The following P3H2 variants were observed in gnomAD, a reference collection of about 807,000 sequenced individuals.
P3H2 encodes the protein leprecan-like 1.
A neutral mutation model predicts 87.0 loss-of-function variants in P3H2; 80 were observed. The ratio of observed to expected loss-of-function variants is 0.92; its 90% CI spans 0.77 to 1.11. The LOEUF (loss-of-function observed/expected upper bound fraction) is 1.11. Ranked by LOEUF, P3H2 falls within the 50% of genes least tolerant of loss-of-function variation. The pLI is 0.00. For missense variants in P3H2, 1,001 were observed against 923.9 expected, an observed-to-expected ratio of 1.08 and a Z score of -1.08; for synonymous variants, 367 against 359.3, an observed-to-expected ratio of 1.02 and a Z score of -0.24.
intron 1 of P3H2, among the ~76,000 whole-genome samples, chr3:190,003,159 A>G (rs1331246033): frequency 1.3e-5 from 2 of 152,216 alleles, no homozygotes; most frequent in Non-Finnish European, 2.9e-5. Flanking sequence ...ATGCTTTCTT[A>G]AAGTGCTTTC....
intron 1 of P3H2, among the ~76,000 whole-genome samples, chr3:190,069,696 T>C (rs143922162): frequency 1.1e-4 from 17 of 152,252 alleles, no homozygotes; most frequent in African/African-American, 3.6e-4. Context: ...GAAGGAAATC[T>C]AGCGAGGGTG....
intron 1 of P3H2, among the ~76,000 whole-genome samples, chr3:190,098,526 C>T (rs1711508193): frequency 6.6e-6 from 1 of 152,134 alleles, no homozygotes; most frequent in Non-Finnish European, 1.5e-5. Flanking sequence ...TTTACTAGGG[C>T]TTACAATAAG....
At position 190,102,329 on chromosome 3, in the gene P3H2, T is replaced by G. The variant is rs551460809; in HGVS notation, c.480+17923A>C. On this transcript the variant is annotated intron_variant, in intron 1 of 14. Coordinates refer to ENST00000319332, the MANE Select transcript of P3H2 (RefSeq NM_018192.4). The stretch of plus-strand genomic sequence containing the variant: ...ATCTGGGCAAAGTAAACTGAAAACT[T>G]TCTGGAAAGGATTTACCATTCTAGA... Among the ~76,000 whole-genome samples, 6 of 152,318 alleles carry G rather than the reference T, an allele frequency of 3.9e-5. No individual in the cohort carries two copies. In the South Asian group the frequency reaches 1.2e-3, roughly 32 times the overall value.
chr3:189,996,424 T>A (rs980960398), intron 1 of P3H2, among the ~76,000 whole-genome samples: 1 of 151,954 alleles, frequency 6.6e-6, no homozygotes, highest in Non-Finnish European at 1.5e-5. Flanking sequence ...CTCATAGAAG[T>A]AGAGTGGAAC....
Position 190,120,832 on chromosome 3 carries a change from A to G in P3H2, c.-101T>C. On this transcript the variant is annotated 5_prime_UTR_variant, in exon 1 of 15. Coordinates refer to ENST00000319332, the MANE Select transcript of P3H2 (RefSeq NM_018192.4). ...CACCTTCCCTCGGGGAAGCGCGCCGACTCCGCCGCGATCTGGCCGCTCCGC... is the reference window on the plus strand; with the variant it reads ...CACCTTCCCTCGGGGAAGCGCGCCGGCTCCGCCGCGATCTGGCCGCTCCGC... The G allele has an allele frequency of 1.4e-6, 2 of 1,433,386 alleles. No homozygotes were observed. Among genetic ancestry groups the G allele is most frequent in the Non-Finnish European group, 1.8e-6 (2 of 1,092,740 alleles). 88.8% of individuals were successfully genotyped at this position (1,433,386 alleles called of 1,614,324 possible).
chr3:189,967,841 C>T (rs1723049288), intron 13 of P3H2, among the ~76,000 whole-genome samples: 1 of 152,078 alleles, frequency 6.6e-6, no homozygotes, highest in African/African-American at 2.4e-5. Context: ...ACCTTTTAAC[C>T]CAGTAATACA....
In P3H2 at chr3:189,995,556, G is replaced by GGGT. The variant is rs10645374; in HGVS notation, c.481-115_481-114insACC. Reference sequence around the variant, plus strand: ...TTTAAGAATGAAACTAGGAGCCTTGGTTTTTTTTTTTTTTATCAGACAGGC... The same window carrying GGGT: ...TTTAAGAATGAAACTAGGAGCCTTGGGGTTTTTTTTTTTTTTTATCAGACAGGC... On this transcript the variant is annotated intron_variant, in intron 1 of 14. Coordinates refer to ENST00000319332, the MANE Select transcript of P3H2 (RefSeq NM_018192.4). 11 of 839,768 alleles carry GGGT rather than the reference G, an allele frequency of 1.3e-5. No individual in the cohort carries two copies. The East Asian group carries it at 2.1e-4, about 16-fold the overall frequency. The allele number at this position is 839,768 out of a possible 1,614,324, so 52.0% of individuals were successfully genotyped here. A position where few individuals can be genotyped will look rare whatever the true frequency, so the allele number is the denominator to read the frequency against.
At chr3:190,088,342 G>A (rs1215351906) in intron 1 of P3H2, among the ~76,000 whole-genome samples, 5 of 152,168 alleles carry the variant, frequency 3.3e-5, no homozygotes, top group Non-Finnish European at 7.4e-5. Flanking sequence ...CACATTCTTA[G>A]ATGTCTAGGG....
At chr3:190,036,516 G>C (rs1443776299) in intron 1 of P3H2, among the ~76,000 whole-genome samples, 4 of 93,402 alleles carry the variant, frequency 4.3e-5, no homozygotes, top group African/African-American at 1.6e-4. Context: ...GTAATCTTGT[G>C]AGATTATTAT....
At chr3:189,961,540 G>C (rs992862251) in intron 14 of P3H2, among the ~76,000 whole-genome samples, 9 of 152,006 alleles carry the variant, frequency 5.9e-5, no homozygotes, top group Admixed American at 1.3e-4. Flanking sequence ...AAGACGTCTA[G>C]GCCAGGAACT....
In P3H2 at chr3:190,023,479, G is replaced by A. The variant is rs77135159; in HGVS notation, c.481-28037C>T. On this transcript the variant is annotated intron_variant, in intron 1 of 14. Transcript: ENST00000319332. ...AAGCAATGAACCTTCTTTACGAGGC[G>A]GCAGGAAGGAGAAGTGCCGAGTGAA... is the stretch of plus-strand genomic sequence containing the variant. Among the ~76,000 whole-genome samples the A allele has an allele frequency of 6.5e-4, 99 of 152,252 alleles. 1 individual carries two copies. The East Asian group carries it at 0.015, about 23-fold the overall frequency.
rs748230976 is a variant in P3H2, at chr3:190,001,205, AT to A, written c.481-5764del. ...CTGAATTAGGATATGTAGCTCAAAT[AT>A]TTTGAATACGAAATTAAGAACAACT... is the stretch of plus-strand genomic sequence containing the variant. On this transcript the variant is annotated intron_variant, in intron 1 of 14. Transcript: ENST00000319332. Among the ~76,000 whole-genome samples the A allele has an allele frequency of 5.4e-4, 83 of 152,354 alleles. 1 individual carries two copies. Among genetic ancestry groups the A allele is most frequent in the South Asian group, 1.2e-3 (6 of 4,832 alleles).
intron 13 of P3H2, 44 bp downstream of exon 13, chr3:189,970,772 A>G: frequency 8.7e-7 from 1 of 1,152,266 alleles, no homozygotes; most frequent in Middle Eastern, 2.5e-4. Context: ...GGCAATACTG[A>G]GCTAAAACAT....
chr3:189,971,007 C>A (rs574037700), intron 12 of P3H2, 116 bp from the exon 13 acceptor site: 2 of 668,198 alleles, frequency 3.0e-6, no homozygotes, highest in Non-Finnish European at 5.5e-6. Flanking sequence ...TTCCTTTGAA[C>A]TAGACATTGA....
intron 10 of P3H2, among the ~76,000 whole-genome samples, chr3:189,973,511 C>CTTTCT (rs1723245878): frequency 2.8e-5 from 1 of 35,464 alleles, no homozygotes; most frequent in African/African-American, 9.7e-5. Flanking sequence ...TTCTTTCTTT[C>CTTTCT]TTTTTTTTTT....
At chr3:190,005,938 T>C (rs1253133097) in intron 1 of P3H2, among the ~76,000 whole-genome samples, 3 of 152,240 alleles carry the variant, frequency 2.0e-5, no homozygotes, top group African/African-American at 7.2e-5. Flanking sequence ...CAATGTTTCA[T>C]ACATTCCTCT....
At chr3:190,085,939 G>A (rs1472543894) in intron 1 of P3H2, among the ~76,000 whole-genome samples, 1 of 152,016 alleles carries the variant, frequency 6.6e-6, no homozygotes, top group African/African-American at 2.4e-5. Context: ...CATTTCACTG[G>A]ACAGGTAAAG....
At chr3:190,062,736 T>C (rs923577665) in intron 1 of P3H2, among the ~76,000 whole-genome samples, 2 of 152,158 alleles carry the variant, frequency 1.3e-5, no homozygotes, top group Admixed American at 1.3e-4. Context: ...TTTTATCTTC[T>C]GTAAAATGGA....
At chr3:190,018,104 A>C (rs1327037138) in intron 1 of P3H2, among the ~76,000 whole-genome samples, 3 of 152,310 alleles carry the variant, frequency 2.0e-5, no homozygotes, top group Non-Finnish European at 4.4e-5. Flanking sequence ...GTCAAGAATT[A>C]TATGAAACTT....
Sources: gnomAD v4.1 joint callset for allele counts (sites outside exome capture counted in the v4.1 genomes callset) on GRCh38, gnomAD v4.1.1 for gene constraint, MANE v1.5 for transcripts, NCBI Gene and HGNC (gene_info 2026-07-23, HGNC 2026-07-21) for gene names.